The following HGFAC variants were observed in gnomAD, a reference collection of about 807,000 sequenced individuals.
HGFAC encodes HGF activator, also known as hepatocyte growth factor activator serine protease.
HGFAC carries 76 observed loss-of-function variants against 70.6 expected under a neutral mutation model. The ratio of observed to expected loss-of-function variants is 1.08; its 90% CI spans 0.89 to 1.30. HGFAC has a LOEUF of 1.30. HGFAC is among the 50% of genes most tolerant of loss of function. The probability of loss-of-function intolerance (pLI) is 0.00; values close to 1 mark genes in which losing one functional copy is unlikely to be tolerated. For missense variants in HGFAC, 1,044 were observed against 933.7 expected (o/e 1.12, Z -1.54); for synonymous variants, 464 against 405.3 (o/e 1.14, Z -1.74).
At chr4:3,441,293 G>A (rs74466518), upstream of HGFAC, among the ~76,000 whole-genome samples, 2,505 of 152,254 alleles carry the variant, frequency 0.016, 59 homozygotes, top group African/African-American at 0.057. The surrounding 1 kb of genome is among the most constrained non-coding windows in gnomAD (Gnocchi z 6.0). Flanking sequence ...GGTCTGTCTG[G>A]GAGACGGGGA....
In HGFAC at chr4:3,446,159, G is replaced by T; in HGVS notation, c.1220G>T (p.Arg407Leu). 2 of 1,611,546 alleles carry T rather than the reference G, an allele frequency of 1.2e-6. No individual in the cohort carries two copies. Among genetic ancestry groups the T allele is most frequent in the Non-Finnish European group, 1.7e-6 (2 of 1,179,446 alleles). Residue 407 changes from arginine to leucine, a missense_variant, in exon 10 of 14, where the codon CGT becomes CTT. Physicochemically the swap from Arg to Leu is moderately radical, Grantham distance 102. Coordinates refer to ENST00000382774, the MANE Select transcript of HGFAC (RefSeq NM_001528.4). ...RHKKRTFLRP[R>L]IIGGSSSLPG... is the part of the protein sequence containing the mutation. ...AAGAAGAGGACGTTCCTGCGGCCAC[G>T]TATCATCGGCGGCTCCTCCTCGCTG...
At chr4:3,448,380 C>T in intron 13 of HGFAC, 104 bp downstream of exon 13, 2 of 1,395,880 alleles carry the variant, frequency 1.4e-6, no homozygotes, top group East Asian at 2.5e-5. Flanking sequence ...GGCGGCACCC[C>T]AACCTGGCAG....
In HGFAC at chr4:3,443,178, G is replaced by A. The variant is rs1472073996; in HGVS notation, c.395+32G>A. The A allele has an allele frequency of 3.5e-6, 5 of 1,443,064 alleles. No homozygotes were observed. In the Admixed American group the frequency reaches 1.1e-4, roughly 33 times the overall value. The allele number at this position is 1,443,064 out of a possible 1,614,324, so 89.4% of individuals were successfully genotyped here. A position where few individuals can be genotyped will look rare whatever the true frequency, so the allele number is the denominator to read the frequency against. On this transcript the variant is annotated intron_variant, in intron 3 of 13. Coordinates refer to ENST00000382774, the MANE Select transcript of HGFAC (RefSeq NM_001528.4). The stretch of plus-strand genomic sequence containing the variant: ...CCGGGCAGCCGGGGCACCCGAGCTG[G>A]GGTCACCTGCCCCACGCTGCCTGCT...
Position 3,449,244 on chromosome 4 carries a change from C to T in HGFAC, c.1793C>T (p.Ser598Leu). 1 of 1,611,786 alleles carries T rather than the reference C, an allele frequency of 6.2e-7. No individual in the cohort carries two copies. The highest frequency in any genetic ancestry group is 1.7e-4 in the Middle Eastern group (1 of 6,042). ...ACCAACGTCTCTGCCCAGGGGGACTCAGGGGGGCCCCTGGCCTGCGAGAAG... is the reference window on the plus strand; with the variant it reads ...ACCAACGTCTCTGCCCAGGGGGACTTAGGGGGGCCCCTGGCCTGCGAGAAG... Reference protein sequence around the residue: ...DCKSDACQGDSGGPLACEKNG... With the variant: ...DCKSDACQGDLGGPLACEKNG... The change falls in exon 14 of 14, where the codon TCA becomes TTA. Residue 598 changes from serine to leucine, a missense_variant. Coordinates refer to ENST00000382774, the MANE Select transcript of HGFAC (RefSeq NM_001528.4).
intron 1 of HGFAC, 67 bp from the exon 2 acceptor site, chr4:3,442,665 C>T (rs1725352916): frequency 2.5e-6 from 3 of 1,181,252 alleles, no homozygotes; most frequent in South Asian, 4.7e-5. Flanking sequence ...AGGGCTGTGA[C>T]CTCCTGCCCG....
At chr4:3,449,092 A>G in intron 13 of HGFAC, 145 bp from the exon 14 acceptor site, 1 of 709,220 alleles carries the variant, frequency 1.4e-6, no homozygotes, top group East Asian at 2.8e-5. Context: ...GGAATGAGAC[A>G]CCTTTTCATG....
Position 3,442,585 on chromosome 4 carries a change from C to A in HGFAC, c.118-147C>A, listed in dbSNP as rs114024576. On this transcript the variant is annotated intron_variant, in intron 1 of 13. Transcript: ENST00000382774. ...GGAAGGTGTCAGGGCCTGGCTGAGG[C>A]CTCAGGAATGTCGTGTGTCCTCCTG... is the stretch of plus-strand genomic sequence containing the variant. 8.7e-3 allele frequency: 4,688 copies of A among 541,266 alleles called. 169 individuals are homozygous for A. Among genetic ancestry groups the A allele is most frequent in the African/African-American group, 0.084 (4,281 of 51,168 alleles). The allele number at this position is 541,266 out of a possible 1,614,324, so 33.5% of individuals were successfully genotyped here.
In HGFAC at chr4:3,449,448, C is replaced by A. The variant is rs368639189; in HGVS notation, c.*29C>A. ...TCCAGCGGGACACCCTGGTTCCCAC[C>A]ATTCCCTGCCTTGCTGACAATAAAG... On this transcript the variant is annotated 3_prime_UTR_variant, in exon 14 of 14. Coordinates refer to ENST00000382774, the MANE Select transcript of HGFAC (RefSeq NM_001528.4). 6.7e-6 allele frequency: 10 copies of A among 1,493,644 alleles called. No homozygotes were observed. Among genetic ancestry groups the A allele is most frequent in the Non-Finnish European group, 8.9e-6 (10 of 1,118,588 alleles). The allele number at this position is 1,493,644 out of a possible 1,614,324, so 92.5% of individuals were successfully genotyped here.
chr4:3,444,781 C>G (rs750588653), intron 7 of HGFAC, 38 bp from the exon 8 acceptor site: 12 of 1,578,256 alleles, frequency 7.6e-6, no homozygotes, highest in Non-Finnish European at 1.0e-5. Context: ...GCCGGGTGGA[C>G]CCACCGTGGG....
At position 3,444,716 on chromosome 4, in the gene HGFAC, G is replaced by C. The variant is rs767696663; in HGVS notation, c.824G>C (p.Gly275Ala). The change falls in exon 7 of 14, where the codon GGA becomes GCA. Residue 275 changes from glycine (G) to alanine (A), a missense_variant. Gly to Ala is a moderately conservative substitution (Grantham distance 60). Coordinates refer to ENST00000382774, the MANE Select transcript of HGFAC (RefSeq NM_001528.4). ...TGTGCCTGCCCACCAGGCTTCGCTG[G>C]ACGGCTCTGCAACATCGGTGAGTGG... ...TVCACPPGFAGRLCNIEPDER... is the reference protein window; with the variant it reads ...TVCACPPGFAARLCNIEPDER... The C allele has an allele frequency of 5.6e-6, 9 of 1,595,372 alleles. No homozygotes were observed. Among genetic ancestry groups the C allele is most frequent in the Non-Finnish European group, 7.6e-6 (9 of 1,177,294 alleles).
In HGFAC at chr4:3,444,992, C is replaced by A; in HGVS notation, c.1015C>A (p.Arg339=). The change falls in exon 8 of 14, where the codon CGG becomes AGG. Residue 339 remains arginine, a splice_region_variant and synonymous_variant. Coordinates refer to ENST00000382774, the MANE Select transcript of HGFAC (RefSeq NM_001528.4). ...LLGLGPHAYC[R]NPDNDERPWC... is the part of the protein sequence containing the mutation. ...GGGCCTGGGCCCCCATGCCTACTGC[C>A]GGTCAGCACCACGCCGCTCCAGGCC... The A allele has an allele frequency of 6.3e-7, 1 of 1,581,530 alleles. No individual in the cohort carries two copies. Among genetic ancestry groups the A allele is most frequent in the Non-Finnish European group, 8.6e-7 (1 of 1,166,796 alleles).
chr4:3,444,615 G>T lies in HGFAC; in HGVS notation c.731-8G>T. ...GCCCCTGGCCCAGCTCCTCGGCCCT[G>T]CCCCCAGCTTGTCTGAGCAGCCCTT... is the stretch of plus-strand genomic sequence containing the variant. On this transcript the variant is annotated splice_region_variant and splice_polypyrimidine_tract_variant and intron_variant, in intron 6 of 13. Coordinates refer to ENST00000382774, the MANE Select transcript of HGFAC (RefSeq NM_001528.4). 6.3e-7 allele frequency: 1 copy of T among 1,586,632 alleles called. No individual in the cohort carries two copies. The highest frequency in any genetic ancestry group is 8.5e-7 in the Non-Finnish European group (1 of 1,172,092).
chr4:3,442,435 A>T (rs1725347025), intron 1 of HGFAC, among the ~76,000 whole-genome samples: 1 of 151,734 alleles, frequency 6.6e-6, no homozygotes, highest in Non-Finnish European at 1.5e-5. Context: ...GGTTGGGGGA[A>T]CCTCCCAGGG....
At chr4:3,441,094 C>G (rs1036982338), upstream of HGFAC, among the ~76,000 whole-genome samples, 1 of 152,148 alleles carries the variant, frequency 6.6e-6, no homozygotes, top group South Asian at 2.1e-4. This position sits in a 1 kb window ranked among gnomAD's most constrained non-coding sequence, Gnocchi z 6.0. Context: ...GTAGCGGCTG[C>G]TCCAATATTG....
intron 13 of HGFAC, 49 bp downstream of exon 13, chr4:3,448,325 G>T: frequency 1.3e-6 from 2 of 1,575,888 alleles, no homozygotes; most frequent in South Asian, 1.1e-5. Context: ...GGGCTCAGCT[G>T]GTCCTGAGTC....
chr4:3,447,648 CGTGGCTG>C lies in HGFAC; in HGVS notation c.1495+18_1495+24del. The C allele has an allele frequency of 1.2e-6, 2 of 1,611,696 alleles. No individual in the cohort carries two copies. The highest frequency in any genetic ancestry group is 8.5e-7 in the Non-Finnish European group (1 of 1,179,188). ...ACGACCTCGGTGAGCTCCGGCGTGT[CGTGGCTG>C]CACTCTGGGCAGGTGGGCCCTGTGC... is the stretch of plus-strand genomic sequence containing the variant. On this transcript the variant is annotated intron_variant, in intron 11 of 13. Coordinates refer to ENST00000382774, the MANE Select transcript of HGFAC (RefSeq NM_001528.4).
rs28670368 is a variant in HGFAC at position 3,446,612 on chromosome 4, T to G, written c.1355+318T>G. Among the ~76,000 whole-genome samples, 704 of 151,950 alleles carry G rather than the reference T, an allele frequency of 4.6e-3. 5 individuals carry two copies. Among genetic ancestry groups the G allele is most frequent in the African/African-American group, 0.016 (669 of 41,478 alleles). On this transcript the variant is annotated intron_variant, in intron 10 of 13. Coordinates refer to ENST00000382774, the MANE Select transcript of HGFAC (RefSeq NM_001528.4). ...CCCGCAGGCCCCGCCCCTCCCAGAG[T>G]CCTGGCTCTCAGTAGGGAGCCAGGG...
intron 13 of HGFAC, among the ~76,000 whole-genome samples, chr4:3,448,971 G>A (rs1035768211): frequency 6.6e-6 from 1 of 152,190 alleles, no homozygotes; most frequent in Admixed American, 6.5e-5. Flanking sequence ...TGGGACACAG[G>A]GTGGCTGTGT....
Position 3,444,687 on chromosome 4 carries a change from C to A in HGFAC, c.795C>A (p.Thr265=). 3.1e-6 allele frequency: 5 copies of A among 1,597,672 alleles called. No homozygotes were observed. Among genetic ancestry groups the A allele is most frequent in the Non-Finnish European group, 4.2e-6 (5 of 1,178,592 alleles). The change falls in exon 7 of 14, where the codon ACC becomes ACA. Residue 265 remains threonine, a synonymous_variant. Coordinates refer to ENST00000382774, the MANE Select transcript of HGFAC (RefSeq NM_001528.4). ...TCHLIVATGT[T]VCACPPGFAG... is the part of the protein sequence containing the mutation. Reference sequence around the variant, plus strand: ...ACCTGATCGTGGCCACCGGGACCACCGTGTGTGCCTGCCCACCAGGCTTCG... The same window carrying A: ...ACCTGATCGTGGCCACCGGGACCACAGTGTGTGCCTGCCCACCAGGCTTCG...
Sources: allele counts gnomAD v4.1 joint callset (sites outside exome capture counted in the v4.1 genomes callset), GRCh38; gene constraint gnomAD v4.1.1; non-coding constraint Gnocchi (gnomAD v3.1); transcripts MANE v1.5; gene names NCBI Gene and HGNC (gene_info 2026-07-23, HGNC 2026-07-21).